SLC19A1: variants seen among roughly 807,000 people sequenced by gnomAD.
SLC19A1 encodes reduced folate transporter.
Under a neutral mutation model 35.3 loss-of-function variants are expected in SLC19A1, and 37 were observed. The ratio of observed to expected loss-of-function variants is 1.05; its 90% CI spans 0.81 to 1.38. The LOEUF (loss-of-function observed/expected upper bound fraction) is 1.38, where lower values mean the gene tolerates loss of function less well. Among genes scored for constraint, SLC19A1 ranks in the 40% most tolerant of loss-of-function variants. The pLI is 0.00. For missense variants in SLC19A1, 831 were observed against 826.9 expected (o/e 1.00, Z -0.06); for synonymous variants, 460 against 398.5 (o/e 1.15, Z -1.84).
chr21:45,510,106 C>G (rs747825364), downstream of SLC19A1: 2 of 1,592,386 alleles, frequency 1.3e-6, no homozygotes, highest in South Asian at 1.1e-5. Context: ...AGGCGGCATG[C>G]GGGGCATCCG....
intron 1 of SLC19A1, among the ~76,000 whole-genome samples, chr21:45,538,219 T>G (rs1602888185): frequency 6.6e-6 from 1 of 152,328 alleles, no homozygotes; most frequent in Admixed American, 6.5e-5. Flanking sequence ...GGCCAGGCTG[T>G]CACCACCTCC....
At chr21:45,510,406 G>C, downstream of SLC19A1, 2 of 937,340 alleles carry the variant, frequency 2.1e-6, no homozygotes, top group Non-Finnish European at 3.3e-6. Flanking sequence ...CTTCAGGGCA[G>C]GCTCCGGGTG....
intron 1 of SLC19A1, among the ~76,000 whole-genome samples, chr21:45,555,003 C>T (rs2078529245): frequency 1.3e-5 from 2 of 151,162 alleles, no homozygotes; most frequent in Non-Finnish European, 2.9e-5. Flanking sequence ...AGGAGCACGT[C>T]CAGGTTATGC....
intron 3 of SLC19A1, chr21:45,504,469 CG>C (rs1220214438): frequency 2.5e-6 from 4 of 1,608,010 alleles, no homozygotes; most frequent in Non-Finnish European, 2.5e-6. Context: ...GGGGGGAGCC[CG>C]GGGGCGGCGG....
intron 3 of SLC19A1, chr21:45,506,483 C>A: frequency 4.2e-6 from 1 of 237,782 alleles, no homozygotes; most frequent in Non-Finnish European, 8.5e-6. Context: ...ATTGCCCCTT[C>A]CAGGACAGGC....
Position 45,512,874 on chromosome 21 carries a change from G to T in SLC19A1, c.*2784C>A, listed in dbSNP as rs938131258. 9.7e-5 allele frequency: 24 copies of T among 247,170 alleles called. No individual in the cohort carries two copies. Among genetic ancestry groups the T allele is most frequent in the South Asian group, 7.6e-4 (16 of 21,162 alleles). 15.3% of individuals were successfully genotyped at this position (247,170 alleles called of 1,614,324 possible). A position where few individuals can be genotyped will look rare whatever the true frequency, so the allele number is the denominator to read the frequency against. ...GCCACACTCAGCACAAGGCCATCTG[G>T]GCTCCTCCAGGGTGTGTGCTCGCCC... On this transcript the variant is annotated 3_prime_UTR_variant, in exon 6 of 6. Coordinates refer to ENST00000311124, the MANE Select transcript of SLC19A1 (RefSeq NM_194255.4).
Position 45,537,881 on chromosome 21 carries a change from G to T in SLC19A1, c.79C>A (p.His27Asn). ...TAGAAGCAAAGGTAGCACACGAGGTGCCGCCAGGACCGGAGCTCGGGGTCA... is the reference window on the plus strand; with the variant it reads ...TAGAAGCAAAGGTAGCACACGAGGTTCCGCCAGGACCGGAGCTCGGGGTCA... Reference protein sequence around the residue: ...GPDPELRSWRHLVCYLCFYGF... With the variant: ...GPDPELRSWRNLVCYLCFYGF... The change falls in exon 2 of 6, where the codon CAC (histidine) becomes AAC (asparagine). Residue 27 changes from histidine to asparagine, a missense_variant. Transcript: ENST00000311124. 1 of 1,601,496 alleles carries T rather than the reference G, an allele frequency of 6.2e-7. No individual in the cohort carries two copies.
rs1276492710 is a variant in SLC19A1 at position 45,515,611 on chromosome 21, G to A, written c.*47C>T. On this transcript the variant is annotated 3_prime_UTR_variant, in exon 6 of 6. Coordinates refer to ENST00000311124, the MANE Select transcript of SLC19A1 (RefSeq NM_194255.4). ...CGGCCCTCGAGGCAGGGGTCGTGGGGATGCACTGAGGGCCGCCTGCAAAGT... is the reference window on the plus strand; with the variant it reads ...CGGCCCTCGAGGCAGGGGTCGTGGGAATGCACTGAGGGCCGCCTGCAAAGT... 3 of 1,610,320 alleles carry A rather than the reference G, an allele frequency of 1.9e-6. No individual in the cohort carries two copies. The highest frequency in any genetic ancestry group is 2.2e-5 in the East Asian group (1 of 44,876).
chr21:45,503,545 C>T (rs2146061605), intron 3 of SLC19A1, among the ~76,000 whole-genome samples: 1 of 148,004 alleles, frequency 6.8e-6, no homozygotes, highest in South Asian at 2.1e-4. Flanking sequence ...AACAAAAAAC[C>T]AAACACCGCA....
chr21:45,525,701 G>T, intron 5 of SLC19A1, 116 bp downstream of exon 5: 1 of 1,221,896 alleles, frequency 8.2e-7, no homozygotes, highest in Non-Finnish European at 1.2e-6. Flanking sequence ...CCCCAGGCCC[G>T]CACCCTGTGC....
In SLC19A1 at chr21:45,525,850, G is replaced by A. The variant is rs752092346; in HGVS notation, c.1260C>T (p.Asp420=). 2.9e-5 allele frequency: 47 copies of A among 1,613,316 alleles called. No individual in the cohort carries two copies. Among genetic ancestry groups the A allele is most frequent in the East Asian group, 1.6e-4 (7 of 44,894 alleles). Residue 420 remains aspartate (D), a synonymous_variant, in exon 5 of 6, where the codon GAC becomes GAT. Coordinates refer to ENST00000311124, the MANE Select transcript of SLC19A1 (RefSeq NM_194255.4). Reference sequence around the variant, plus strand: ...GGACCGGGAGGCCCAGGCCCCGCACGTCCGAGACAATGAAAGTGATGATGG... The same window carrying A: ...GGACCGGGAGGCCCAGGCCCCGCACATCCGAGACAATGAAAGTGATGATGG... The part of the protein sequence containing the change: ...VKTIITFIVS[D]VRGLGLPVRK...
At chr21:45,559,621 C>T (rs1006129409) in intron 1 of SLC19A1, among the ~76,000 whole-genome samples, 6 of 152,162 alleles carry the variant, frequency 3.9e-5, no homozygotes, top group East Asian at 1.9e-4. Flanking sequence ...ACCTGGAGCC[C>T]GGGGCGTGCG....
intron 5 of SLC19A1, among the ~76,000 whole-genome samples, chr21:45,523,860 G>A (rs1432983960): frequency 2.6e-5 from 4 of 152,198 alleles, no homozygotes; most frequent in African/African-American, 9.7e-5. Flanking sequence ...CAAGAATGGG[G>A]AGGACCTCCT....
At chr21:45,556,958 C>T (rs944890282) in intron 1 of SLC19A1, among the ~76,000 whole-genome samples, 21 of 152,206 alleles carry the variant, frequency 1.4e-4, no homozygotes, top group African/African-American at 4.3e-4. Context: ...GGGACGGCGA[C>T]TCAGATGCAT....
chr21:45,508,241 GTGAGTGGA>G (rs140472708), downstream of SLC19A1, among the ~76,000 whole-genome samples: 11,309 of 148,898 alleles, frequency 0.076, 611 homozygotes, highest in Middle Eastern at 0.16. Flanking sequence ...GGGTAAGTGG[GTGAGTGGA>G]TGGTGGACAG....
intron 2 of SLC19A1, among the ~76,000 whole-genome samples, chr21:45,532,632 A>G (rs1472336819): frequency 1.3e-5 from 2 of 151,824 alleles, no homozygotes; most frequent in South Asian, 2.1e-4. Flanking sequence ...TGGGGGTTTC[A>G]CCATGTTGGG....
Position 45,537,772 on chromosome 21 carries a change from T to G in SLC19A1, c.188A>C (p.Gln63Pro). The G allele has an allele frequency of 8.9e-7, 1 of 1,117,766 alleles. No homozygotes were observed. The highest frequency in any genetic ancestry group is 1.1e-6 in the Non-Finnish European group (1 of 901,364). The allele number at this position is 1,117,766 out of a possible 1,614,324, so 69.2% of individuals were successfully genotyped here. The change falls in exon 2 of 6, where the codon CAG becomes CCG. Residue 63 changes from glutamine to proline, a missense_variant and splice_region_variant. Gln to Pro is a moderately conservative substitution (Grantham distance 76, BLOSUM62 -1). Coordinates refer to ENST00000311124, the MANE Select transcript of SLC19A1 (RefSeq NM_194255.4). ...LGPDKNFTRE[Q>P]VTNEITPVLS... ...CCCGGCACCCCGGCACCCACATGCCTGCTCCCGCGTGAAGTTCTTGTCGGG... is the reference window on the plus strand; with the variant it reads ...CCCGGCACCCCGGCACCCACATGCCGGCTCCCGCGTGAAGTTCTTGTCGGG...
chr21:45,553,663 CCCAGTCCCCCACACCCCA>C, intron 1 of SLC19A1, among the ~76,000 whole-genome samples: 1 of 40,000 alleles, frequency 2.5e-5, no homozygotes, highest in Non-Finnish European at 4.6e-5. Context: ...GCGCCCCCTT[CCCAGTCCCCCACACCCCA>C]TCCCAGTCCC....
At chr21:45,504,902 G>A (rs2037098382) in intron 3 of SLC19A1, among the ~76,000 whole-genome samples, 1 of 134,740 alleles carries the variant, frequency 7.4e-6, no homozygotes. Flanking sequence ...TACTGCCTGG[G>A]GGCCCACACT....
Sources: gnomAD v4.1 joint callset for allele counts (sites outside exome capture counted in the v4.1 genomes callset) on GRCh38, gnomAD v4.1.1 for gene constraint, MANE v1.5 for transcripts, NCBI Gene and HGNC (gene_info 2026-07-23, HGNC 2026-07-21) for gene names.